Variants in PLCB4 observed in about 807,000 individuals in gnomAD.
The protein encoded by PLCB4 is 1-phosphatidylinositol 4,5-bisphosphate phosphodiesterase beta-4.
A neutral mutation model predicts 178.8 loss-of-function variants in PLCB4; 77 were observed. The ratio of observed to expected loss-of-function variants is 0.43; its 90% CI spans 0.36 to 0.52. The LOEUF is 0.52. Among genes scored for constraint, PLCB4 ranks in the 20% least tolerant of loss-of-function variants. The pLI is 0.00. For synonymous variants in PLCB4, 496 were observed against 490.8 expected (o/e 1.01, Z -0.14); for missense variants, 1,024 against 1,453.4 (o/e 0.70, Z 4.80).
chr20:9,459,006 A>G (rs527780655), intron 34 of PLCB4, among the ~76,000 whole-genome samples: 9 of 152,324 alleles, frequency 5.9e-5, no homozygotes, highest in African/African-American at 2.2e-4. Context: ...AAGGTGATAA[A>G]GAAAATCCTG....
At chr20:9,154,202 A>G (rs2092741449) in intron 2 of PLCB4, among the ~76,000 whole-genome samples, 1 of 152,128 alleles carries the variant, frequency 6.6e-6, no homozygotes, top group African/African-American at 2.4e-5. Context: ...ATCTCCTGCC[A>G]TTTTTGTCAT....
At chr20:9,348,666 C>T (rs1293844576) in intron 7 of PLCB4, among the ~76,000 whole-genome samples, 1 of 151,982 alleles carries the variant, frequency 6.6e-6, no homozygotes, top group African/African-American at 2.4e-5. Flanking sequence ...TTTGAAACTC[C>T]CTACTTTCAT....
intron 2 of PLCB4, among the ~76,000 whole-genome samples, chr20:9,187,335 C>T (rs1568917999): frequency 6.6e-6 from 1 of 152,138 alleles, no homozygotes; most frequent in Non-Finnish European, 1.5e-5. Context: ...CTTCAAGAAA[C>T]ACCAGCACCA....
rs1389520296 is a variant in PLCB4, at chr20:9,390,612, T to A, written c.1320T>A (p.His440Gln). 8.2e-6 allele frequency: 12 copies of A among 1,465,216 alleles called. No homozygotes were observed. Among genetic ancestry groups the A allele is most frequent in the Non-Finnish European group, 1.1e-5 (12 of 1,044,878 alleles). The allele number at this position is 1,465,216 out of a possible 1,614,324, so 90.8% of individuals were successfully genotyped here. The change falls in exon 17 of 40, where the codon CAT becomes CAA. Residue 440 changes from histidine (H) to glutamine (Q), a missense_variant. By Grantham distance (24) the His-to-Gln change is conservative (BLOSUM62 0). Around this residue, in one of 7 missense-constraint regions of PLCB4, gnomAD observed 263 missense variants for 417.4 expected, o/e 0.63. Coordinates refer to ENST00000378473, the MANE Select transcript of PLCB4 (RefSeq NM_001377142.1). ...DLLLKQALES[H>Q]PLEPGRALPS... is the part of the protein sequence containing the mutation. Reference sequence around the variant, plus strand: ...TGTTGAAACAAGCACTTGAATCACATCCAGTATGTATTTTTAACAAACCAT... The same window carrying A: ...TGTTGAAACAAGCACTTGAATCACAACCAGTATGTATTTTTAACAAACCAT...
Position 9,210,003 on chromosome 20 carries a change from C to T in PLCB4, c.-78-7387C>T, listed in dbSNP as rs902628263. Among the ~76,000 whole-genome samples the T allele has an allele frequency of 2.6e-4, 39 of 150,650 alleles. 1 individual carries two copies. Among genetic ancestry groups the T allele is most frequent in the African/African-American group, 8.8e-4 (36 of 40,998 alleles). On this transcript the variant is annotated intron_variant, in intron 2 of 39. Transcript: ENST00000378473. ...AAAAAAAAAGAATGAAAAAGAAAAC[C>T]CAGAAACGATGTCTGGACTCCTGAC...
At chr20:9,467,919 G>C (rs1427791444) in intron 35 of PLCB4, among the ~76,000 whole-genome samples, 1 of 152,174 alleles carries the variant, frequency 6.6e-6, no homozygotes, top group East Asian at 1.9e-4. Flanking sequence ...TTTAATGCAT[G>C]TGTGTCATGC....
intron 3 of PLCB4, among the ~76,000 whole-genome samples, chr20:9,235,873 A>G (rs2093987620): frequency 6.6e-6 from 1 of 152,226 alleles, no homozygotes; most frequent in Non-Finnish European, 1.5e-5. Context: ...TTAGCTCAGC[A>G]GGAAACTTAG....
chr20:9,224,279 C>T (rs13037433), intron 3 of PLCB4, among the ~76,000 whole-genome samples: 63,675 of 151,802 alleles, frequency 0.42, 13,756 homozygotes, highest in East Asian at 0.69. Context: ...AGCTTTCATT[C>T]CCGGGCACCC....
At chr20:9,161,884 A>G (rs2092893912) in intron 2 of PLCB4, among the ~76,000 whole-genome samples, 2 of 152,218 alleles carry the variant, frequency 1.3e-5, no homozygotes, top group South Asian at 2.1e-4. Context: ...AAAGATAATT[A>G]TTAATAAACT....
intron 30 of PLCB4, among the ~76,000 whole-genome samples, chr20:9,440,640 G>C (rs115702236): frequency 1.3e-5 from 2 of 152,286 alleles, no homozygotes; most frequent in African/African-American, 2.4e-5. Context: ...AGATTCAAGA[G>C]TTGGGGAAAC....
intron 12 of PLCB4, among the ~76,000 whole-genome samples, chr20:9,375,973 A>C (rs1005897752): frequency 3.3e-5 from 5 of 152,068 alleles, no homozygotes; most frequent in Admixed American, 2.0e-4. Flanking sequence ...TTTCTATGAA[A>C]GTTTTTATTC....
intron 2 of PLCB4, among the ~76,000 whole-genome samples, chr20:9,199,578 G>A (rs567703388): frequency 1.3e-5 from 2 of 152,216 alleles, no homozygotes; most frequent in African/African-American, 4.8e-5. Context: ...AGGTTGTCCG[G>A]TACCACTTAC....
At chr20:9,151,915 G>A (rs1341405114) in intron 2 of PLCB4, among the ~76,000 whole-genome samples, 1 of 152,156 alleles carries the variant, frequency 6.6e-6, no homozygotes, top group Non-Finnish European at 1.5e-5. Context: ...TAAAATCCAG[G>A]CTGAGGTGAT....
chr20:9,224,277 T>A (rs13042135), intron 3 of PLCB4, among the ~76,000 whole-genome samples: 63,669 of 151,812 alleles, frequency 0.42, 13,754 homozygotes, highest in East Asian at 0.69. Context: ...ACAGCTTTCA[T>A]TCCCGGGCAC....
intron 27 of PLCB4, 31 bp from the exon 28 acceptor site, chr20:9,423,717 A>C: frequency 6.3e-7 from 1 of 1,583,602 alleles, no homozygotes; most frequent in East Asian, 2.2e-5. Context: ...CTGCATTGGA[A>C]AAATCAGTGA....
chr20:9,089,292 A>G (rs1322998046), intron 1 of PLCB4, among the ~76,000 whole-genome samples: 2 of 152,190 alleles, frequency 1.3e-5, no homozygotes, highest in East Asian at 3.8e-4. Context: ...TATCCTAATT[A>G]AAAGGAGATT....
chr20:9,299,053 A>G (rs890780662), intron 3 of PLCB4, among the ~76,000 whole-genome samples: 1 of 152,048 alleles, frequency 6.6e-6, no homozygotes, highest in Admixed American at 6.6e-5. Flanking sequence ...TAGTCAGTAT[A>G]TTAAGTAACT....
At chr20:9,117,180 C>G (rs1475241327) in intron 2 of PLCB4, among the ~76,000 whole-genome samples, 1 of 152,154 alleles carries the variant, frequency 6.6e-6, no homozygotes, top group East Asian at 1.9e-4. Context: ...TCATCATTTA[C>G]TTTGCTGTTG....
At chr20:9,319,724 T>G (rs1382459280) in intron 4 of PLCB4, among the ~76,000 whole-genome samples, 1 of 152,164 alleles carries the variant, frequency 6.6e-6, no homozygotes, top group African/African-American at 2.4e-5. Context: ...CCTCCGTGGA[T>G]TGGATGGTGC....
Sources: gnomAD v4.1 joint callset for allele counts (sites outside exome capture counted in the v4.1 genomes callset) on GRCh38, gnomAD v4.1.1 for gene constraint, gnomAD v4.1.1 regional missense constraint, MANE v1.5 for transcripts, NCBI Gene and HGNC (gene_info 2026-07-23, HGNC 2026-07-21) for gene names.